The following CLCN4 variants were observed in gnomAD, a reference collection of about 807,000 sequenced individuals.
CLCN4 encodes H(+)/Cl(-) exchange transporter 4.
Under a neutral mutation model 41.7 loss-of-function variants are expected in CLCN4, and 1 was observed. The ratio of observed to expected loss-of-function variants is 0.02; its 90% CI spans 0.01 to 0.11. The LOEUF (loss-of-function observed/expected upper bound fraction) is 0.11, where lower values mean the gene tolerates loss of function less well. Among genes scored for constraint, CLCN4 ranks in the 10% least tolerant of loss-of-function variants. The pLI is 1.00. For missense variants in CLCN4, 287 were observed against 661.0 expected (o/e 0.43, Z 6.20); for synonymous variants, 277 against 285.8 (o/e 0.97, Z 0.31).
At chrX:10,224,593 T>G (rs950285333) in intron 12 of CLCN4, among the ~76,000 whole-genome samples, 16 of 110,963 alleles carry the variant, frequency 1.4e-4, no homozygotes, top group Admixed American at 2.9e-4. Context: ...CTTTTTTAAT[T>G]TAATTTAATT....
intron 2 of CLCN4, among the ~76,000 whole-genome samples, chrX:10,172,099 C>T (rs537191151): frequency 1.8e-5 from 2 of 112,287 alleles, no homozygotes; most frequent in East Asian, 2.8e-4. Context: ...TGCAAACAGG[C>T]CTTTCTAAGG....
chrX:10,197,664 T>G (rs1924131348), intron 5 of CLCN4, among the ~76,000 whole-genome samples: 1 of 111,610 alleles, frequency 9.0e-6, no homozygotes, highest in Non-Finnish European at 1.9e-5. Flanking sequence ...CCAAGCATCA[T>G]CCACGGTTTC....
At chrX:10,185,264 C>A (rs760699075) in intron 3 of CLCN4, 88 bp downstream of exon 3, 6 of 982,174 alleles carry the variant, frequency 6.1e-6, no homozygotes, top group Non-Finnish European at 8.3e-6. Context: ...GGTCCACGTA[C>A]GTGTCATGTG....
In CLCN4 at chrX:10,236,497, G is replaced by C. The variant is rs938721040; in HGVS notation, c.*2913G>C. The C allele has an allele frequency of 8.9e-6, 1 of 111,764 alleles. No homozygotes were observed. The allele number at this position is 111,764 out of a possible 1,213,427, so 9.2% of individuals were successfully genotyped here. ...TACCACAGCAAACTGCCTTCCTTCC[G>C]TGGAGTCCTAACTCAGCCATGTGGT... is the stretch of plus-strand genomic sequence containing the variant. On this transcript the variant is annotated 3_prime_UTR_variant, in exon 13 of 13. Coordinates refer to ENST00000380833, the MANE Select transcript of CLCN4 (RefSeq NM_001830.4).
At chrX:10,206,980 C>T (rs778485938) in intron 8 of CLCN4, among the ~76,000 whole-genome samples, 5 of 110,174 alleles carry the variant, frequency 4.5e-5, no homozygotes, top group East Asian at 5.7e-4. Context: ...AGTGCAATGG[C>T]GCAATCTTGG....
At chrX:10,204,518 C>T (rs1305764132) in intron 6 of CLCN4, among the ~76,000 whole-genome samples, 2 of 105,450 alleles carry the variant, frequency 1.9e-5, no homozygotes, top group African/African-American at 6.8e-5. Context: ...CAGGGGTTGG[C>T]AAACTTTTCC....
intron 2 of CLCN4, among the ~76,000 whole-genome samples, chrX:10,171,546 T>A (rs756435555): frequency 8.9e-6 from 1 of 111,802 alleles, no homozygotes; most frequent in African/African-American, 3.3e-5. Flanking sequence ...AATGGGCGAC[T>A]GGAGCTTAAT....
chrX:10,171,901 G>A (rs1369249599), intron 2 of CLCN4, among the ~76,000 whole-genome samples: 5 of 111,753 alleles, frequency 4.5e-5, no homozygotes, highest in Non-Finnish European at 7.5e-5. Flanking sequence ...ATTGGGGGCT[G>A]CTCACATAGG....
At chrX:10,197,831 C>G (rs980219835) in intron 5 of CLCN4, 108 bp from the exon 6 acceptor site, 4 of 1,024,831 alleles carry the variant, frequency 3.9e-6, no homozygotes, top group Non-Finnish European at 5.4e-6. Flanking sequence ...CAAACCTGCC[C>G]AATCCCGTCA....
Position 10,213,672 on chromosome X carries a change from CTG to C in CLCN4, c.1577-7_1577-6del, listed in dbSNP as rs769104994. The C allele has an allele frequency of 2.1e-4, 252 of 1,195,448 alleles. 1 individual carries two copies. The highest frequency in any genetic ancestry group is 4.0e-5 in the Non-Finnish European group (35 of 885,138). On this transcript the variant is annotated splice_polypyrimidine_tract_variant and splice_region_variant and intron_variant, in intron 10 of 12. Coordinates refer to ENST00000380833, the MANE Select transcript of CLCN4 (RefSeq NM_001830.4). The stretch of plus-strand genomic sequence containing the variant: ...CACTTTGGAATCTTACTCCTCCCCT[CTG>C]TTGCAGGTGGAGTTACCAGGATGAC...
intron 2 of CLCN4, among the ~76,000 whole-genome samples, chrX:10,180,055 A>G (rs1274581706): frequency 8.9e-6 from 1 of 112,354 alleles, no homozygotes; most frequent in Non-Finnish European, 1.9e-5. Context: ...AGATCCAAAT[A>G]TCTCATACTG....
At chrX:10,225,116 G>A (rs1364984082) in intron 12 of CLCN4, among the ~76,000 whole-genome samples, 1 of 111,964 alleles carries the variant, frequency 8.9e-6, no homozygotes, top group African/African-American at 3.3e-5. Flanking sequence ...TCAGTAATGG[G>A]ATTGCTGGGT....
chrX:10,198,951 C>A (rs1173646977), intron 6 of CLCN4, among the ~76,000 whole-genome samples: 1 of 112,129 alleles, frequency 8.9e-6, no homozygotes, highest in Non-Finnish European at 1.9e-5. Context: ...AAATCCACAC[C>A]CTTTGGGAGG....
At position 10,236,028 on chromosome X, in the gene CLCN4, CT is replaced by C. The variant is rs1197218020; in HGVS notation, c.*2445del. ...TTCATGTAGTTCCCCTCTTATTCCC[CT>C]GTGGTCTCCTCAGAGCCAGCGTGTG... On this transcript the variant is annotated 3_prime_UTR_variant, in exon 13 of 13. Transcript: ENST00000380833. The C allele has an allele frequency of 7.1e-5, 8 of 112,408 alleles. No homozygotes were observed. In the Admixed American group the frequency reaches 7.5e-4, roughly 11 times the overall value. The allele number at this position is 112,408 out of a possible 1,213,427, so 9.3% of individuals were successfully genotyped here. A position where few individuals can be genotyped will look rare whatever the true frequency, so the allele number is the denominator to read the frequency against.
intron 9 of CLCN4, 79 bp downstream of exon 9, chrX:10,208,669 C>T (rs372686849): frequency 5.2e-6 from 5 of 959,935 alleles, no homozygotes; most frequent in Admixed American, 3.1e-5. Context: ...AATAAAATTG[C>T]GGTGGGAAAA....
chrX:10,201,208 G>T (rs1206469354), intron 6 of CLCN4, among the ~76,000 whole-genome samples: 1 of 111,851 alleles, frequency 8.9e-6, no homozygotes, highest in East Asian at 2.8e-4. Context: ...GTTCGACTGG[G>T]GAGGCAAACA....
At chrX:10,211,602 C>G (rs1287345849) in intron 9 of CLCN4, among the ~76,000 whole-genome samples, 1 of 112,118 alleles carries the variant, frequency 8.9e-6, no homozygotes, top group Non-Finnish European at 1.9e-5. Flanking sequence ...CCAAACTTCA[C>G]TTGAATTAGG....
At position 10,194,936 on chromosome X, in the gene CLCN4, C is replaced by T. The variant is rs771528043; in HGVS notation, c.270C>T (p.Leu90=). ...LAGTLAGVID[L]AVDWMTDLKE... ...GCACCTTGGCTGGGGTCATCGATCT[C>T]GCCGTGGACTGGATGACGGACCTGA... The change falls in exon 5 of 13, where the codon CTC becomes CTT. Residue 90 remains leucine, a synonymous_variant. Transcript: ENST00000380833. 7.4e-6 allele frequency: 9 copies of T among 1,211,382 alleles called. No individual in the cohort carries two copies. The South Asian group carries it at 8.8e-5, about 12-fold the overall frequency.
At chrX:10,193,190 CA>C (rs1441037557) in intron 4 of CLCN4, among the ~76,000 whole-genome samples, 1 of 111,628 alleles carries the variant, frequency 9.0e-6, no homozygotes. Flanking sequence ...ATGGGCATGT[CA>C]AAAGAATTGT....
Sources: gnomAD v4.1 joint callset for allele counts (sites outside exome capture counted in the v4.1 genomes callset) on GRCh38, gnomAD v4.1.1 for gene constraint, MANE v1.5 for transcripts, NCBI Gene and HGNC (gene_info 2026-07-23, HGNC 2026-07-21) for gene names.